The following PRKAR1A variants were observed in gnomAD, a reference collection of about 807,000 sequenced individuals.
The protein encoded by PRKAR1A is protein kinase cAMP-dependent type I regulatory subunit alpha, also known as cAMP-dependent protein kinase type I-alpha regulatory subunit.
Under a neutral mutation model 52.0 loss-of-function variants are expected in PRKAR1A, and 3 were observed. The observed-to-expected ratio is 0.06, with a 90% CI of 0.03 to 0.15. The LOEUF (loss-of-function observed/expected upper bound fraction) is 0.15, where lower values mean the gene tolerates loss of function less well. Ranked by LOEUF, PRKAR1A falls within the 10% of genes least tolerant of loss-of-function variation. The pLI, the probability that PRKAR1A is intolerant of heterozygous loss-of-function variation, is 1.00. For missense variants in PRKAR1A, 240 were observed against 477.4 expected (o/e 0.50, Z 4.63); for synonymous variants, 188 against 168.4 (o/e 1.12, Z -0.90).
chr17:68,513,140 G>C (rs2085321139), intron 1 of PRKAR1A: 1 of 152,388 alleles, frequency 6.6e-6, no homozygotes, highest in African/African-American at 2.4e-5. Context: ...GCCCCCCTGA[G>C]GCCTCCTCGC....
the PRKAR1A span, among the ~76,000 whole-genome samples, chr17:68,486,529 CTT>C: frequency 1.1e-4 from 13 of 123,326 alleles, no homozygotes; most frequent in East Asian, 2.4e-4. Flanking sequence ...TTCTTTCTTT[CTT>C]TCTTTCTTTC....
In PRKAR1A at chr17:68,512,537, G is replaced by C. The variant is rs1482925379; in HGVS notation, c.-18G>C. ...CACCCGCAGCCTCGCGCCCGCCGCC[G>C]CCCGTCCCCAGGTGAGTGGGGTCGG... is the stretch of plus-strand genomic sequence containing the variant. On this transcript the variant is annotated 5_prime_UTR_variant, in exon 1 of 11. Coordinates refer to ENST00000589228, the MANE Select transcript of PRKAR1A (RefSeq NM_002734.5). 6.5e-6 allele frequency: 1 copy of C among 154,476 alleles called. No homozygotes were observed. Among genetic ancestry groups the C allele is most frequent in the Non-Finnish European group, 1.4e-5 (1 of 69,670 alleles). The allele number at this position is 154,476 out of a possible 1,614,324, so 9.6% of individuals were successfully genotyped here.
At chr17:68,445,071 C>G in the PRKAR1A span, among the ~76,000 whole-genome samples, 394 of 152,154 alleles carry the variant, frequency 2.6e-3, 9 homozygotes, top group Non-Finnish European at 9.0e-4. Context: ...CATGCATGCA[C>G]CACCACACCT....
At chr17:68,518,867 CACCGGAT>C (rs2085513925) in intron 2 of PRKAR1A, among the ~76,000 whole-genome samples, 1 of 152,208 alleles carries the variant, frequency 6.6e-6, no homozygotes, top group Admixed American at 6.5e-5. Context: ...AAATTTCTTC[CACCGGAT>C]ACCCTAAATC....
At chr17:68,457,465 C>A in the PRKAR1A span, 2 of 1,415,666 alleles carry the variant, frequency 1.4e-6, no homozygotes, top group Non-Finnish European at 1.8e-6. Flanking sequence ...CCGGCGACAG[C>A]CACCTCAGCA....
chr17:68,465,528 C>T, the PRKAR1A span, among the ~76,000 whole-genome samples: 2 of 152,000 alleles, frequency 1.3e-5, no homozygotes, highest in Non-Finnish European at 2.9e-5. Flanking sequence ...GACCTCAGCT[C>T]ACTGCAACCT....
chr17:68,486,515 TTCTTTCTTTCTTTCTTTCTTTC>T, the PRKAR1A span, among the ~76,000 whole-genome samples: 1 of 58,576 alleles, frequency 1.7e-5, no homozygotes, highest in Non-Finnish European at 3.8e-5. Flanking sequence ...CCTTCTTTCT[TTCTTTCTTTCTTTCTTTCTTTC>T]TTTCTTTCTT....
chr17:68,536,352 C>A (rs1307605890), downstream of PRKAR1A: 1 of 454,066 alleles, frequency 2.2e-6, no homozygotes. Flanking sequence ...GAAGACCTTA[C>A]TGTCCTTTGT....
At chr17:68,502,891 T>C in the PRKAR1A span, among the ~76,000 whole-genome samples, 3 of 152,172 alleles carry the variant, frequency 2.0e-5, no homozygotes, top group African/African-American at 7.2e-5. Flanking sequence ...TGTTAACTTC[T>C]ATGATTTCTG....
chr17:68,455,482 C>T, the PRKAR1A span, among the ~76,000 whole-genome samples: 1 of 152,050 alleles, frequency 6.6e-6, no homozygotes, highest in Non-Finnish European at 1.5e-5. Flanking sequence ...ATACTGGATC[C>T]CAAATTCAGC....
At chr17:68,435,551 C>G in the PRKAR1A span, 5 of 1,486,910 alleles carry the variant, frequency 3.4e-6, no homozygotes, top group South Asian at 5.7e-5. Context: ...TTTGTTCAAT[C>G]CCATCCCTGC....
the PRKAR1A span, among the ~76,000 whole-genome samples, chr17:68,416,106 G>A: frequency 6.6e-6 from 1 of 152,014 alleles, no homozygotes; most frequent in South Asian, 2.1e-4. Flanking sequence ...TTTTCAAATT[G>A]TATTTTTGTT....
the PRKAR1A span, among the ~76,000 whole-genome samples, chr17:68,488,734 CAAAAAA>C: frequency 2.3e-5 from 1 of 42,796 alleles, no homozygotes; most frequent in African/African-American, 8.6e-5. Flanking sequence ...CATCTCAAAA[CAAAAAA>C]AAAAAAAAAA....
At chr17:68,486,502 C>CT in the PRKAR1A span, among the ~76,000 whole-genome samples, 37 of 43,340 alleles carry the variant, frequency 8.5e-4, no homozygotes, top group African/African-American at 2.6e-3. Flanking sequence ...TCCTTCCTTC[C>CT]TTCCTTCTTT....
chr17:68,544,970 G>A (rs1018121944), intron 11 of PRKAR1A, among the ~76,000 whole-genome samples: 3 of 152,072 alleles, frequency 2.0e-5, no homozygotes, highest in African/African-American at 4.8e-5. Context: ...ACTAATGCAC[G>A]TCTCATTGCA....
the PRKAR1A span, chr17:68,422,107 A>G: frequency 2.6e-6 from 1 of 383,782 alleles, no homozygotes; most frequent in Non-Finnish European, 4.9e-6. Context: ...TCTTACTTGT[A>G]AACATGGACT....
chr17:68,524,177 C>G (rs1285297226), intron 5 of PRKAR1A, 100 bp downstream of exon 5: 2 of 1,213,930 alleles, frequency 1.6e-6, no homozygotes, highest in African/African-American at 3.1e-5. Context: ...CCTCTTTGAT[C>G]CTACCACTTT....
intron 11 of PRKAR1A, among the ~76,000 whole-genome samples, chr17:68,548,271 T>A (rs1013725918): frequency 6.6e-6 from 1 of 152,132 alleles, no homozygotes; most frequent in African/African-American, 2.4e-5. Context: ...GGCACACGCC[T>A]ATAATCCCAG....
chr17:68,502,674 C>T, the PRKAR1A span, among the ~76,000 whole-genome samples: 25 of 150,512 alleles, frequency 1.7e-4, no homozygotes, highest in Admixed American at 5.3e-4. Flanking sequence ...ATCGCTTGAA[C>T]CTGGGAGGTG....
Sources: allele counts gnomAD v4.1 joint callset (sites outside exome capture counted in the v4.1 genomes callset), GRCh38; gene constraint gnomAD v4.1.1; transcripts MANE v1.5; gene names NCBI Gene and HGNC (gene_info 2026-07-23, HGNC 2026-07-21).